MBD5: variants seen among roughly 807,000 people sequenced by gnomAD.
The protein encoded by MBD5 is methyl-CpG-binding domain protein 5.
MBD5 carries 13 observed loss-of-function variants against 117.3 expected under a neutral mutation model. The observed-to-expected ratio is 0.11, with a 90% confidence interval of 0.07 to 0.18. The LOEUF (loss-of-function observed/expected upper bound fraction) is 0.18. MBD5 is among the 10% of genes least tolerant of loss of function. The pLI, the probability that MBD5 is intolerant of heterozygous loss-of-function variation, is 1.00. For synonymous variants in MBD5, 727 were observed against 766.4 expected, an observed-to-expected ratio of 0.95 and a Z score of 0.85; for missense variants, 1,879 against 2,093.8, an observed-to-expected ratio of 0.90 and a Z score of 2.00.
chr2:148,188,651 G>A (rs1487069502), intron 2 of MBD5, among the ~76,000 whole-genome samples: 6 of 141,798 alleles, frequency 4.2e-5, no homozygotes, highest in Admixed American at 7.4e-5. Flanking sequence ...CCACTGCACT[G>A]TAGCCTGGGC....
chr2:148,499,094 A>G (rs1372667015), intron 11 of MBD5, among the ~76,000 whole-genome samples: 1 of 152,108 alleles, frequency 6.6e-6, no homozygotes, highest in Admixed American at 6.6e-5. Flanking sequence ...GGAGTTTGAG[A>G]TCAGCTTGGG....
At chr2:148,500,492 T>C (rs934386161) in intron 11 of MBD5, among the ~76,000 whole-genome samples, 1 of 152,136 alleles carries the variant, frequency 6.6e-6, no homozygotes, top group Non-Finnish European at 1.5e-5. Context: ...GATAAAACAG[T>C]GCCTTTTACA....
At chr2:148,423,887 C>G (rs745900587) in intron 4 of MBD5, among the ~76,000 whole-genome samples, 3 of 151,938 alleles carry the variant, frequency 2.0e-5, no homozygotes, top group Non-Finnish European at 4.4e-5. Flanking sequence ...CAATAAAAAG[C>G]AGGGGTTGTG....
chr2:148,486,901 T>A (rs1371827127), intron 10 of MBD5, among the ~76,000 whole-genome samples: 1 of 152,230 alleles, frequency 6.6e-6, no homozygotes, highest in East Asian at 1.9e-4. Flanking sequence ...TCAGATTTTT[T>A]AAATATCTTT....
At chr2:148,395,941 G>GT (rs902626707) in intron 4 of MBD5, among the ~76,000 whole-genome samples, 21 of 151,928 alleles carry the variant, frequency 1.4e-4, no homozygotes, top group Non-Finnish European at 2.8e-4. Flanking sequence ...TACTCCACTG[G>GT]TTTTTTCCAC....
intron 3 of MBD5, among the ~76,000 whole-genome samples, chr2:148,326,883 T>C (rs1702467090): frequency 6.6e-6 from 1 of 150,460 alleles, no homozygotes; most frequent in Admixed American, 6.6e-5. Flanking sequence ...GTCATTATGA[T>C]GTTAGCTGGT....
intron 1 of MBD5, among the ~76,000 whole-genome samples, chr2:148,174,611 T>TA (rs1309669856): frequency 1.3e-5 from 2 of 150,950 alleles, no homozygotes; most frequent in African/African-American, 4.9e-5. Flanking sequence ...AAGAAAATTT[T>TA]AAAAAAAAAC....
chr2:148,391,409 T>G (rs1559051859), intron 4 of MBD5, among the ~76,000 whole-genome samples: 1 of 152,188 alleles, frequency 6.6e-6, no homozygotes, highest in Non-Finnish European at 1.5e-5. Flanking sequence ...ACTAAATGAC[T>G]CAATGACTTA....
chr2:148,425,580 CAAAAAAAGA>C (rs1362555650), intron 4 of MBD5, among the ~76,000 whole-genome samples: 1 of 152,014 alleles, frequency 6.6e-6, no homozygotes, highest in East Asian at 1.9e-4. Flanking sequence ...AGAGACACAA[CAAAAAAAGA>C]AAATTTCAGG....
Position 148,458,891 on chromosome 2 carries a change from TGTG to T in MBD5, c.113+23_113+25del, listed in dbSNP as rs1225140753. On this transcript the variant is annotated intron_variant, in intron 5 of 13. Transcript: ENST00000642680. Reference sequence around the variant, plus strand: ...TGTCAGGTAAGTTCTTATTATTACCTGTGGTACCTGCAAAGTTGTACTCCAAAG... The same window carrying T: ...TGTCAGGTAAGTTCTTATTATTACCTGTACCTGCAAAGTTGTACTCCAAAG... 13 of 1,578,108 alleles carry T rather than the reference TGTG, an allele frequency of 8.2e-6. No homozygotes were observed. Among genetic ancestry groups the T allele is most frequent in the Non-Finnish European group, 1.1e-5 (13 of 1,147,400 alleles).
intron 7 of MBD5, 68 bp from the exon 8 acceptor site, chr2:148,468,273 C>G: frequency 2.2e-6 from 3 of 1,333,702 alleles, no homozygotes; most frequent in Non-Finnish European, 3.2e-6. Context: ...TCCTCCATTC[C>G]TTCCCTCCCT....
intron 2 of MBD5, among the ~76,000 whole-genome samples, chr2:148,187,572 A>T (rs947384367): frequency 2.6e-5 from 4 of 152,226 alleles, no homozygotes; most frequent in African/African-American, 9.6e-5. Flanking sequence ...AAAAAGGCAC[A>T]TCACAAAATG....
intron 4 of MBD5, among the ~76,000 whole-genome samples, chr2:148,412,302 GT>G (rs1705280771): frequency 7.1e-6 from 1 of 140,766 alleles, no homozygotes; most frequent in Non-Finnish European, 1.6e-5. Flanking sequence ...GTGTGTGTGT[GT>G]AGAGAGAGAG....
At chr2:148,367,919 C>T (rs768051667) in intron 4 of MBD5, among the ~76,000 whole-genome samples, 2 of 152,078 alleles carry the variant, frequency 1.3e-5, no homozygotes, top group South Asian at 2.1e-4. Context: ...GACAGTGTGG[C>T]GATTCCTCAA....
chr2:148,356,095 G>T, intron 4 of MBD5, among the ~76,000 whole-genome samples: 1 of 152,060 alleles, frequency 6.6e-6, no homozygotes, highest in African/African-American at 2.4e-5. Context: ...GTGAATTAGA[G>T]TTTGCTCATG....
intron 4 of MBD5, among the ~76,000 whole-genome samples, chr2:148,454,880 G>A (rs534215393): frequency 7.9e-5 from 12 of 151,928 alleles, no homozygotes; most frequent in Non-Finnish European, 1.6e-4. Flanking sequence ...GGATTTTTTT[G>A]TTTCTGTGAA....
At chr2:148,321,019 TA>T (rs957119871) in intron 3 of MBD5, among the ~76,000 whole-genome samples, 1 of 152,120 alleles carries the variant, frequency 6.6e-6, no homozygotes, top group African/African-American at 2.4e-5. Flanking sequence ...GAAGGGAAAC[TA>T]AAAAAATTTT....
chr2:148,066,701 C>G (rs141526173), intron 1 of MBD5, among the ~76,000 whole-genome samples: 1 of 152,124 alleles, frequency 6.6e-6, no homozygotes, highest in African/African-American at 2.4e-5. Context: ...TGGTCTTGAA[C>G]TCCTGAGCTC....
At chr2:148,428,204 G>C (rs1705867206) in intron 4 of MBD5, among the ~76,000 whole-genome samples, 1 of 152,090 alleles carries the variant, frequency 6.6e-6, no homozygotes, top group Admixed American at 6.6e-5. Context: ...ACTAATAACA[G>C]ACAAACAGAG....
Sources: gnomAD v4.1 joint callset for allele counts (sites outside exome capture counted in the v4.1 genomes callset) on GRCh38, gnomAD v4.1.1 for gene constraint, MANE v1.5 for transcripts, NCBI Gene and HGNC (gene_info 2026-07-23, HGNC 2026-07-21) for gene names.